Variants in PCDHGA2 observed in about 807,000 individuals in gnomAD.
The protein encoded by PCDHGA2 is protocadherin gamma-A2.
Under a neutral mutation model 59.2 loss-of-function variants are expected in PCDHGA2, and 40 were observed. The ratio of observed to expected loss-of-function variants is 0.68; its 90% CI spans 0.52 to 0.88. PCDHGA2 has a LOEUF of 0.88. Ranked by LOEUF, PCDHGA2 falls within the 40% of genes least tolerant of loss-of-function variation. The probability of loss-of-function intolerance (pLI) is 0.00; values close to 1 mark genes in which losing one functional copy is unlikely to be tolerated. For synonymous variants in PCDHGA2, 560 were observed against 526.0 expected (o/e 1.06, Z -0.89); for missense variants, 1,226 against 1,204.0 (o/e 1.02, Z -0.27).
At chr5:141,361,575 C>T (rs1407406869) in intron 1 of PCDHGA2, 3 of 1,614,062 alleles carry the variant, frequency 1.9e-6, no homozygotes, top group Non-Finnish European at 8.5e-7. Context: ...CTGACCCTGA[C>T]TTGGGCCCCA....
chr5:141,376,646 G>A (rs1394499987), intron 1 of PCDHGA2: 17 of 1,002,858 alleles, frequency 1.7e-5, no homozygotes, highest in Non-Finnish European at 2.3e-5. Flanking sequence ...TTTGTAAAGT[G>A]GAAGACTCCC....
chr5:141,345,628 T>G, intron 1 of PCDHGA2: 4 of 1,614,172 alleles, frequency 2.5e-6, no homozygotes, highest in Non-Finnish European at 3.4e-6. Flanking sequence ...AAGCTACTGG[T>G]GACAGCCAGC....
chr5:141,419,715 TG>T (rs754309862), intron 1 of PCDHGA2: 1 of 1,613,288 alleles, frequency 6.2e-7, no homozygotes, highest in South Asian at 1.1e-5. Flanking sequence ...CTCTTCAGCC[TG>T]GGGCTGCGAA....
At position 141,487,425 on chromosome 5, in the gene PCDHGA2, G is replaced by A. The variant is rs116499036; in HGVS notation, c.2425-7382G>A. ...CTTCCCCCTTCCAATGGGATCCTCCGAATCCAGCTAGGGTCAGATGACCCT... is the reference window on the plus strand; with the variant it reads ...CTTCCCCCTTCCAATGGGATCCTCCAAATCCAGCTAGGGTCAGATGACCCT... On this transcript the variant is annotated intron_variant, in intron 1 of 3. Coordinates refer to ENST00000394576, the MANE Select transcript of PCDHGA2 (RefSeq NM_018915.4). This position sits in a 1 kb window ranked among gnomAD's most constrained non-coding sequence, Gnocchi z 5.0. The A allele has an allele frequency of 1.1e-5, 17 of 1,613,988 alleles. No individual in the cohort carries two copies. The highest frequency in any genetic ancestry group is 1.6e-4 in the Middle Eastern group (1 of 6,084).
intron 1 of PCDHGA2, chr5:141,478,664 C>T (rs2099470287): frequency 1.3e-6 from 2 of 1,551,788 alleles, no homozygotes; most frequent in Non-Finnish European, 1.7e-6. Context: ...GATGCATTCA[C>T]ACTTTCAACT....
At chr5:141,389,197 T>C (rs2091642576) in intron 1 of PCDHGA2, 1 of 1,614,010 alleles carries the variant, frequency 6.2e-7, no homozygotes, top group East Asian at 2.2e-5. Context: ...AGCATCACCC[T>C]GCACATTGGT....
Position 141,487,413 on chromosome 5 carries a change from A to G in PCDHGA2, c.2425-7394A>G, listed in dbSNP as rs1562119204. The G allele has an allele frequency of 1.2e-6, 2 of 1,614,172 alleles. No homozygotes were observed. The highest frequency in any genetic ancestry group is 2.2e-5 in the East Asian group (1 of 44,862). ...AGGAGGGAGGGGCTTCCCCCTTCCA[A>G]TGGGATCCTCCGAATCCAGCTAGGG... On this transcript the variant is annotated intron_variant, in intron 1 of 3. Coordinates refer to ENST00000394576, the MANE Select transcript of PCDHGA2 (RefSeq NM_018915.4). This position sits in a 1 kb window ranked among gnomAD's most constrained non-coding sequence, Gnocchi z 5.0.
chr5:141,415,494 C>T lies in PCDHGA2; in HGVS notation c.2424+74099C>T, dbSNP rs377609539. 2.5e-6 allele frequency: 4 copies of T among 1,614,110 alleles called. No homozygotes were observed. The African/African-American group carries it at 4.0e-5, about 16-fold the overall frequency. ...CGGACTCGCGAAAGAGTCACCTGAT[C>T]TTCCCCCAGCCCAATTATGCGGACA... On this transcript the variant is annotated intron_variant, in intron 1 of 3. Transcript: ENST00000394576.
In PCDHGA2 at chr5:141,490,996, G is replaced by A; in HGVS notation, c.2425-3811G>A. ...GCGTCTCCCTCGCTCTGCTCCTCCT[G>A]GCTCCTTGGTCACCAAGGTGACAGC... is the stretch of plus-strand genomic sequence containing the variant. On this transcript the variant is annotated intron_variant, in intron 1 of 3. Transcript: ENST00000394576. This position sits in a 1 kb window ranked among gnomAD's most constrained non-coding sequence, Gnocchi z 5.4. The A allele has an allele frequency of 6.2e-7, 1 of 1,614,090 alleles. No individual in the cohort carries two copies. The highest frequency in any genetic ancestry group is 8.5e-7 in the Non-Finnish European group (1 of 1,180,028).
chr5:141,372,646 C>T, intron 1 of PCDHGA2: 1 of 1,614,008 alleles, frequency 6.2e-7, no homozygotes, highest in Middle Eastern at 1.6e-4. Context: ...TTGCCTTATT[C>T]CTACAATCCG....
chr5:141,421,231 G>T (rs1368484504), intron 1 of PCDHGA2: 1 of 1,590,694 alleles, frequency 6.3e-7, no homozygotes, highest in South Asian at 1.1e-5. Context: ...GCCTGCCATG[G>T]CGAATCGGCT....
intron 1 of PCDHGA2, chr5:141,478,287 G>A (rs777542913): frequency 3.7e-6 from 6 of 1,614,154 alleles, no homozygotes; most frequent in Non-Finnish European, 5.1e-6. Flanking sequence ...AAGCAGTCTA[G>A]AGACCTATAC....
At position 141,485,272 on chromosome 5, in the gene PCDHGA2, C is replaced by T. The variant is rs764196730; in HGVS notation, c.2425-9535C>T. The T allele has an allele frequency of 1.9e-6, 3 of 1,613,948 alleles. No homozygotes were observed. The highest frequency in any genetic ancestry group is 2.7e-5 in the African/African-American group (2 of 74,932). On this transcript the variant is annotated intron_variant, in intron 1 of 3. Transcript: ENST00000394576. The surrounding 1 kb of genome is among the most constrained non-coding windows in gnomAD (Gnocchi z 5.7). ...GTTACGTTTGTGGGCAGATCCGCTACCCGGTCCCAGAGGAGTCACAGGAAG... is the reference window on the plus strand; with the variant it reads ...GTTACGTTTGTGGGCAGATCCGCTATCCGGTCCCAGAGGAGTCACAGGAAG...
At chr5:141,398,009 C>A (rs1589315775) in intron 1 of PCDHGA2, 6 of 1,400,558 alleles carry the variant, frequency 4.3e-6, no homozygotes, top group East Asian at 5.1e-5. Flanking sequence ...GAAAAAGAAT[C>A]GTTTCCTAAA....
Position 141,436,345 on chromosome 5 carries a change from G to A in PCDHGA2, c.2425-58462G>A, listed in dbSNP as rs930858667. 5.9e-4 allele frequency among the ~76,000 whole-genome samples: 90 copies of A among 152,212 alleles called. 1 individual carries two copies. Among genetic ancestry groups the A allele is most frequent in the African/African-American group, 1.7e-3 (69 of 41,540 alleles). ...GTTAGACCATATCTCAAATATCAGT[G>A]ACTTCAATCAACTATGTTTCCAGTT... On this transcript the variant is annotated intron_variant, in intron 1 of 3. Coordinates refer to ENST00000394576, the MANE Select transcript of PCDHGA2 (RefSeq NM_018915.4).
Position 141,456,055 on chromosome 5 carries a change from G to A in PCDHGA2, c.2425-38752G>A, listed in dbSNP as rs78682041. On this transcript the variant is annotated intron_variant, in intron 1 of 3. Coordinates refer to ENST00000394576, the MANE Select transcript of PCDHGA2 (RefSeq NM_018915.4). Reference sequence around the variant, plus strand: ...TGGGACTACAGGCGCCCACCACCACGTCCGGCTAATTTTTTGTATTTTCAG... The same window carrying A: ...TGGGACTACAGGCGCCCACCACCACATCCGGCTAATTTTTTGTATTTTCAG... Among the ~76,000 whole-genome samples, 302 of 151,836 alleles carry A rather than the reference G, an allele frequency of 2.0e-3. 1 individual carries two copies. The highest frequency in any genetic ancestry group is 0.01 in the Middle Eastern group (3 of 292).
intron 1 of PCDHGA2, chr5:141,419,926 G>C (rs1371764532): frequency 7.4e-6 from 12 of 1,613,978 alleles, no homozygotes; most frequent in Non-Finnish European, 8.5e-6. Flanking sequence ...CTGAGATGCA[G>C]TTTTACCTGG....
intron 1 of PCDHGA2, among the ~76,000 whole-genome samples, chr5:141,467,758 C>CTCAA (rs933308513): frequency 6.6e-5 from 10 of 152,018 alleles, no homozygotes; most frequent in Admixed American, 5.9e-4. Flanking sequence ...GCCTCACATG[C>CTCAA]TCAAGTGCCC....
chr5:141,395,066 G>GACC, intron 1 of PCDHGA2: 1 of 1,614,136 alleles, frequency 6.2e-7, no homozygotes, highest in Non-Finnish European at 8.5e-7. Flanking sequence ...CTTTCCTGCA[G>GACC]ACCTATTCCC....
Sources: gnomAD v4.1 joint callset for allele counts (sites outside exome capture counted in the v4.1 genomes callset) on GRCh38, gnomAD v4.1.1 for gene constraint, Gnocchi (gnomAD v3.1) non-coding constraint, MANE v1.5 for transcripts, NCBI Gene and HGNC (gene_info 2026-07-23, HGNC 2026-07-21) for gene names.